Variants in DCHS2 observed in about 807,000 individuals in gnomAD.
DCHS2 encodes protocadherin-23.
In DCHS2, 142 loss-of-function variants were observed where a neutral mutation model predicts 182.4. The ratio of observed to expected loss-of-function variants is 0.78; its 90% CI spans 0.68 to 0.89. DCHS2 has a LOEUF of 0.89. Among genes scored for constraint, DCHS2 ranks in the 40% least tolerant of loss-of-function variants. The pLI, the probability that DCHS2 is intolerant of heterozygous loss-of-function variation, is 0.00. For synonymous variants in DCHS2, 1,740 were observed against 1,663.3 expected (o/e 1.05, Z -1.12); for missense variants, 4,319 against 4,198.6 (o/e 1.03, Z -0.79).
At chr4:154,437,388 G>C (rs1579082189) in intron 1 of DCHS2, among the ~76,000 whole-genome samples, 1 of 152,152 alleles carries the variant, frequency 6.6e-6, no homozygotes, top group Non-Finnish European at 1.5e-5. Flanking sequence ...TGACAGGGAA[G>C]GGAAGGCAGC....
chr4:154,453,161 A>G (rs1311869537), intron 1 of DCHS2, among the ~76,000 whole-genome samples: 2 of 152,056 alleles, frequency 1.3e-5, no homozygotes, highest in Non-Finnish European at 2.9e-5. Flanking sequence ...TGAGAGGCCC[A>G]CATCCAGCTG....
At chr4:154,472,546 A>G (rs1735515127) in intron 1 of DCHS2, among the ~76,000 whole-genome samples, 1 of 152,234 alleles carries the variant, frequency 6.6e-6, no homozygotes, top group South Asian at 2.1e-4. Flanking sequence ...CTTTTGGCAT[A>G]CACAACATTT....
At chr4:154,459,209 A>G (rs1412551948) in intron 1 of DCHS2, among the ~76,000 whole-genome samples, 1 of 152,160 alleles carries the variant, frequency 6.6e-6, no homozygotes, top group Non-Finnish European at 1.5e-5. Flanking sequence ...CTTCCTCTGA[A>G]GCATATTCTC....
At chr4:154,283,770 C>G (rs1168871688) in intron 13 of DCHS2, among the ~76,000 whole-genome samples, 1 of 152,144 alleles carries the variant, frequency 6.6e-6, no homozygotes, top group Non-Finnish European at 1.5e-5. Flanking sequence ...GGATCAGAGT[C>G]AACATCTTGA....
intron 3 of DCHS2, among the ~76,000 whole-genome samples, chr4:154,352,221 G>T (rs933659040): frequency 6.6e-6 from 1 of 152,082 alleles, no homozygotes; most frequent in African/African-American, 2.4e-5. Context: ...CCCCGCTAGT[G>T]CCATCACCCC....
intron 1 of DCHS2, among the ~76,000 whole-genome samples, chr4:154,452,643 A>T (rs890850350): frequency 7.5e-6 from 1 of 133,818 alleles, no homozygotes; most frequent in African/African-American, 2.5e-5. Flanking sequence ...CAAACAAACA[A>T]AAAAACAAAA....
At chr4:154,302,977 ACACAT>A (rs1735278549) in intron 12 of DCHS2, among the ~76,000 whole-genome samples, 2 of 109,138 alleles carry the variant, frequency 1.8e-5, no homozygotes, top group South Asian at 5.8e-4. Flanking sequence ...ACCCACACAC[ACACAT>A]ATTTTTTTTT....
At chr4:154,335,155 T>A in intron 3 of DCHS2, 51 bp from the exon 4 acceptor site, 1 of 1,176,628 alleles carries the variant, frequency 8.5e-7, no homozygotes, top group Non-Finnish European at 1.3e-6. Flanking sequence ...TAATAAATAC[T>A]GATGAGCAAT....
chr4:154,305,283 T>C (rs1561028170), intron 10 of DCHS2, 52 bp from the exon 11 acceptor site: 1 of 1,562,920 alleles, frequency 6.4e-7, no homozygotes, highest in Non-Finnish European at 8.6e-7. Flanking sequence ...GAAATACATT[T>C]ATCCACTTTC....
chr4:154,361,343 A>G (rs1026353781), intron 3 of DCHS2, among the ~76,000 whole-genome samples: 1 of 152,186 alleles, frequency 6.6e-6, no homozygotes, highest in Non-Finnish European at 1.5e-5. Context: ...GTTGAAAAAA[A>G]AGTAGTTTCT....
At chr4:154,331,166 G>T (rs1374516910) in intron 5 of DCHS2, among the ~76,000 whole-genome samples, 2 of 152,152 alleles carry the variant, frequency 1.3e-5, no homozygotes, top group Admixed American at 1.3e-4. Flanking sequence ...AGCACGTAGT[G>T]TTCCAAGCCC....
chr4:154,255,776 A>G (rs1732634799), intron 15 of DCHS2, 106 bp from the exon 16 acceptor site: 1 of 1,403,106 alleles, frequency 7.1e-7, no homozygotes, highest in Non-Finnish European at 9.3e-7. Flanking sequence ...TGTCAAACAT[A>G]TTTTAAAAAC....
At chr4:154,352,308 G>A (rs1342981337) in intron 3 of DCHS2, 1 of 152,152 alleles carries the variant, frequency 6.6e-6, no homozygotes, top group Admixed American at 6.6e-5. Context: ...AGAAGCAACA[G>A]CTTGCTTTAT....
chr4:154,331,690 A>G (rs1400022315), intron 5 of DCHS2: 3 of 1,613,664 alleles, frequency 1.9e-6, no homozygotes, highest in Non-Finnish European at 2.5e-6. Context: ...TGCCCAGGTT[A>G]TGACATAGAT....
At chr4:154,293,974 T>C (rs1020362999) in intron 13 of DCHS2, among the ~76,000 whole-genome samples, 10 of 152,168 alleles carry the variant, frequency 6.6e-5, no homozygotes, top group African/African-American at 9.7e-5. Context: ...AGTTTTTTTT[T>C]CCTCATTTGT....
intron 1 of DCHS2, among the ~76,000 whole-genome samples, chr4:154,433,515 C>T (rs948802938): frequency 2.0e-5 from 3 of 149,536 alleles, no homozygotes; most frequent in Non-Finnish European, 3.0e-5. Context: ...CTGACTCAGC[C>T]TCCCAAGTAG....
chr4:154,250,218 T>C (rs564502447), intron 16 of DCHS2, among the ~76,000 whole-genome samples: 16 of 152,232 alleles, frequency 1.1e-4, no homozygotes, highest in African/African-American at 3.6e-4. Flanking sequence ...TGCAAACATA[T>C]TTTGAAGTCT....
At chr4:154,469,284 G>A (rs886476669) in intron 1 of DCHS2, among the ~76,000 whole-genome samples, 66 of 151,662 alleles carry the variant, frequency 4.4e-4, no homozygotes, top group African/African-American at 1.6e-3. Flanking sequence ...CAAAATTTAT[G>A]ACATTTAATT....
rs759776511 is a variant in DCHS2 at position 154,490,829 on chromosome 4, A to C, written c.527T>G (p.Val176Gly). The C allele has an allele frequency of 6.4e-7, 1 of 1,551,416 alleles. No individual in the cohort carries two copies. Among genetic ancestry groups the C allele is most frequent in the Non-Finnish European group, 8.7e-7 (1 of 1,146,942 alleles). ...GGTCCCTGGCGGGCTGAGCTCGGAGACGTCGAGTTGCAGGGAGTCGAGGGG... is the reference window on the plus strand; with the variant it reads ...GGTCCCTGGCGGGCTGAGCTCGGAGCCGTCGAGTTGCAGGGAGTCGAGGGG... ...RFPLDSLQLD[V>G]SELSPPGTAF... is the part of the protein sequence containing the mutation. The change falls in exon 1 of 20, where the codon GTC becomes GGC. Residue 176 changes from valine (V) to glycine (G), a missense_variant. Physicochemically the swap from Val to Gly is moderately radical, Grantham distance 109. Coordinates refer to ENST00000357232, the MANE Select transcript of DCHS2 (RefSeq NM_001358235.2).
Sources: allele counts gnomAD v4.1 joint callset (sites outside exome capture counted in the v4.1 genomes callset), GRCh38; gene constraint gnomAD v4.1.1; transcripts MANE v1.5; gene names NCBI Gene and HGNC (gene_info 2026-07-23, HGNC 2026-07-21).